Variants in CHLSN observed in about 807,000 individuals in gnomAD.
CHLSN encodes the protein cholesin, also known as protein cholesin.
At chr7:982,311 C>T in the CHLSN span, among the ~76,000 whole-genome samples, 2,258 of 152,316 alleles carry the variant, frequency 0.015, 128 homozygotes, top group East Asian at 0.21. Context: ...CTCGGCTCTG[C>T]GGTTCGTACA....
the CHLSN span, among the ~76,000 whole-genome samples, chr7:1,027,400 C>T: frequency 6.6e-6 from 1 of 152,364 alleles, no homozygotes; most frequent in Middle Eastern, 3.4e-3. Context: ...CCCGGCTGTG[C>T]GCGCAGCAGC....
At chr7:988,228 T>C in the CHLSN span, 2 of 1,534,978 alleles carry the variant, frequency 1.3e-6, no homozygotes, top group African/African-American at 1.4e-5. Flanking sequence ...CCAGGCCCCA[T>C]CCCATCTTCC....
At chr7:1,016,872 GCGCA>G in the CHLSN span, among the ~76,000 whole-genome samples, 1 of 88,414 alleles carries the variant, frequency 1.1e-5, no homozygotes, top group Non-Finnish European at 2.5e-5. Context: ...GCACACAGCA[GCGCA>G]CAGCAGCACA....
At chr7:988,556 T>G in the CHLSN span, 3 of 1,595,368 alleles carry the variant, frequency 1.9e-6, no homozygotes, top group Admixed American at 5.1e-5. Context: ...GCTCCTGTGC[T>G]CCCCTGGGGA....
the CHLSN span, among the ~76,000 whole-genome samples, chr7:1,053,304 C>T: frequency 3.2e-4 from 48 of 152,364 alleles, no homozygotes; most frequent in African/African-American, 1.1e-3. Context: ...GCAGGTGTGG[C>T]GACGGCGGGG....
At chr7:1,007,525 A>G in the CHLSN span, among the ~76,000 whole-genome samples, 3 of 152,090 alleles carry the variant, frequency 2.0e-5, no homozygotes, top group Non-Finnish European at 4.4e-5. Context: ...GTGGGCTCTG[A>G]TCTGGCAGCC....
chr7:987,053 G>T, the CHLSN span: 1 of 1,442,826 alleles, frequency 6.9e-7, no homozygotes, highest in Non-Finnish European at 9.1e-7. Flanking sequence ...TGGGTCTGTG[G>T]GGTGGGGGAC....
chr7:995,055 C>T, the CHLSN span, among the ~76,000 whole-genome samples: 3,316 of 152,366 alleles, frequency 0.022, 125 homozygotes, highest in African/African-American at 0.075. Context: ...CTTCCTTAGC[C>T]GGAGGCTTCC....
chr7:1,095,646 C>T, the CHLSN span, among the ~76,000 whole-genome samples: 1 of 152,204 alleles, frequency 6.6e-6, no homozygotes, highest in Non-Finnish European at 1.5e-5. Flanking sequence ...GTGGTCTGGT[C>T]CCCACCCCTC....
chr7:986,965 T>C, the CHLSN span: 1 of 1,329,050 alleles, frequency 7.5e-7, no homozygotes, highest in Admixed American at 2.9e-5. Context: ...GGGGCATCCA[T>C]AGTGCCTGCC....
At chr7:1,000,633 C>T in the CHLSN span, 1 of 1,174,328 alleles carries the variant, frequency 8.5e-7, no homozygotes, top group South Asian at 1.4e-5. Flanking sequence ...TCGGGGACGC[C>T]TCATCTTAGG....
At chr7:1,014,277 G>A in the CHLSN span, among the ~76,000 whole-genome samples, 1 of 152,242 alleles carries the variant, frequency 6.6e-6, no homozygotes, top group African/African-American at 2.4e-5. Context: ...AGCTGACACT[G>A]TTTGAGAAAA....
the CHLSN span, among the ~76,000 whole-genome samples, chr7:1,050,081 G>T: frequency 6.6e-6 from 1 of 152,236 alleles, no homozygotes; most frequent in Non-Finnish European, 1.5e-5. Context: ...ACTCTGAACC[G>T]CAAGCACAGG....
the CHLSN span, chr7:1,093,718 C>T: frequency 4.3e-6 from 2 of 465,514 alleles, no homozygotes; most frequent in Non-Finnish European, 9.0e-6. Context: ...GGGACAACTG[C>T]GGTGATGATG....
chr7:1,072,819 G>T, the CHLSN span, among the ~76,000 whole-genome samples: 1 of 151,950 alleles, frequency 6.6e-6, no homozygotes, highest in Non-Finnish European at 1.5e-5. Flanking sequence ...AAGTAGCTAG[G>T]ATTACAGGCG....
At chr7:1,107,165 T>A in the CHLSN span, among the ~76,000 whole-genome samples, 3 of 151,606 alleles carry the variant, frequency 2.0e-5, no homozygotes, top group African/African-American at 7.3e-5. Flanking sequence ...CATGTGTCCA[T>A]GTGCACTGTG....
At chr7:1,123,224 C>CG in the CHLSN span, among the ~76,000 whole-genome samples, 13 of 152,180 alleles carry the variant, frequency 8.5e-5, no homozygotes, top group Non-Finnish European at 1.9e-4. The surrounding 1 kb of genome is among the most constrained non-coding windows in gnomAD (Gnocchi z 4.4). Flanking sequence ...GAGTGGGAAC[C>CG]GGAACGCTGA....
the CHLSN span, among the ~76,000 whole-genome samples, chr7:998,336 G>T: frequency 6.6e-6 from 1 of 152,120 alleles, no homozygotes; most frequent in Non-Finnish European, 1.5e-5. Context: ...TCAACACTGG[G>T]CTCTTTTTAT....
chr7:1,016,602 CGT>C, the CHLSN span, among the ~76,000 whole-genome samples: 435 of 66,862 alleles, frequency 6.5e-3, 13 homozygotes, highest in African/African-American at 0.032. Context: ...CACACAGCAG[CGT>C]ACAGCAGCGC....
Sources: allele counts gnomAD v4.1 joint callset (sites outside exome capture counted in the v4.1 genomes callset), GRCh38; gene constraint gnomAD v4.1.1; non-coding constraint Gnocchi (gnomAD v3.1); transcripts MANE v1.5; gene names NCBI Gene and HGNC (gene_info 2026-07-23, HGNC 2026-07-21).